The following WDR35 variants were observed in gnomAD, a reference collection of about 807,000 sequenced individuals.
WDR35 encodes the protein WD repeat-containing protein 35.
WDR35 carries 118 observed loss-of-function variants against 158.3 expected under a neutral mutation model. The observed-to-expected ratio is 0.75, with a 90% CI of 0.64 to 0.87. WDR35 has a LOEUF of 0.87. Among genes scored for constraint, WDR35 ranks in the 40% least tolerant of loss-of-function variants. WDR35 has a pLI of 0.00. For synonymous variants in WDR35, 448 were observed against 476.1 expected (o/e 0.94, Z 0.77); for missense variants, 1,263 against 1,405.8 (o/e 0.90, Z 1.62).
intron 25 of WDR35, among the ~76,000 whole-genome samples, chr2:19,922,651 G>T (rs542311536): frequency 6.6e-6 from 1 of 152,050 alleles, no homozygotes; most frequent in Non-Finnish European, 1.5e-5. Context: ...AACCACCAAC[G>T]CATGTGTATA....
At chr2:19,927,937 T>C (rs764280227) in intron 25 of WDR35, among the ~76,000 whole-genome samples, 23 of 152,236 alleles carry the variant, frequency 1.5e-4, no homozygotes, top group Non-Finnish European at 2.8e-4. Context: ...CTGCAAGAAG[T>C]AGCTCACCAT....
chr2:19,972,393 G>A (rs1478167761), intron 8 of WDR35, among the ~76,000 whole-genome samples: 1 of 152,030 alleles, frequency 6.6e-6, no homozygotes, highest in African/African-American at 2.4e-5. Flanking sequence ...TTTCTACCTG[G>A]GGAAGGCTGA....
At chr2:19,958,499 A>G (rs1162798246) in intron 11 of WDR35, among the ~76,000 whole-genome samples, 1 of 152,252 alleles carries the variant, frequency 6.6e-6, no homozygotes. Context: ...AGGAAATGTC[A>G]TAATTAATTT....
intron 25 of WDR35, among the ~76,000 whole-genome samples, chr2:19,922,151 G>A (rs1347519317): frequency 6.6e-6 from 1 of 152,230 alleles, no homozygotes; most frequent in African/African-American, 2.4e-5. Context: ...CATTGTGGAA[G>A]ACAGTGTGGC....
At chr2:19,950,447 A>C (rs1671200509) in intron 13 of WDR35, among the ~76,000 whole-genome samples, 2 of 152,168 alleles carry the variant, frequency 1.3e-5, no homozygotes, top group South Asian at 4.1e-4. Context: ...CTACGAAAGG[A>C]GGAAGAGAGA....
intron 25 of WDR35, among the ~76,000 whole-genome samples, chr2:19,916,287 G>C (rs1669989436): frequency 6.6e-6 from 1 of 152,200 alleles, no homozygotes; most frequent in African/African-American, 2.4e-5. Flanking sequence ...CGGGGCCCTG[G>C]GTTTCCAGCA....
intron 11 of WDR35, among the ~76,000 whole-genome samples, chr2:19,954,489 C>A (rs773317150): frequency 2.0e-5 from 3 of 151,946 alleles, no homozygotes; most frequent in Middle Eastern, 6.8e-3. Flanking sequence ...GACAAATAGC[C>A]CAATTTAAAA....
intron 2 of WDR35, among the ~76,000 whole-genome samples, chr2:19,984,714 C>T (rs944613087): frequency 3.3e-5 from 5 of 152,194 alleles, no homozygotes; most frequent in Non-Finnish European, 4.4e-5. Context: ...ACACCAATAA[C>T]CAAGCACACT....
chr2:19,929,749 T>C (rs1469388229), intron 25 of WDR35, among the ~76,000 whole-genome samples: 2 of 152,178 alleles, frequency 1.3e-5, no homozygotes, highest in African/African-American at 2.4e-5. Context: ...CTCCTGCATG[T>C]AGAAACATCT....
chr2:19,917,419 C>T (rs1482500047), intron 25 of WDR35, among the ~76,000 whole-genome samples: 1 of 152,182 alleles, frequency 6.6e-6, no homozygotes, highest in Non-Finnish European at 1.5e-5. Context: ...AAGCAGGCTT[C>T]AGAAGGTGGG....
Position 19,937,881 on chromosome 2 carries a change from C to G in WDR35, c.2129G>C (p.Arg710Pro). 2 of 1,614,134 alleles carry G rather than the reference C, an allele frequency of 1.2e-6. No homozygotes were observed. The highest frequency in any genetic ancestry group is 1.7e-6 in the Non-Finnish European group (2 of 1,180,008). ...CTTAATGCCTTGGTAATCTTTGCAG[C>G]GCACAAATGCTTGCTCTGCAGTGTA... ...DLYTAEQAFV[R>P]CKDYQGIKFV... The change falls in exon 19 of 27, where the codon CGC (arginine) becomes CCC (proline). Residue 710 changes from arginine (R) to proline (P), a missense_variant. Coordinates refer to ENST00000281405, the MANE Select transcript of WDR35 (RefSeq NM_020779.4).
Position 19,936,224 on chromosome 2 carries a change from T to C in WDR35, c.2409A>G (p.Gln803=), listed in dbSNP as rs140630290. Residue 803 remains glutamine, a synonymous_variant, in exon 20 of 27, where the codon CAA becomes CAG. Coordinates refer to ENST00000281405, the MANE Select transcript of WDR35 (RefSeq NM_020779.4). ...NAIGDYFADR[Q]KWLNAVQYYV... ...GCTCCAGGTAAGTTACATACCACTT[T>C]TGTCGATCAGCAAAGTAGTCTCCAA... The C allele has an allele frequency of 1.1e-5, 17 of 1,613,932 alleles. No individual in the cohort carries two copies. Among genetic ancestry groups the C allele is most frequent in the Non-Finnish European group, 1.1e-5 (13 of 1,179,884 alleles).
intron 25 of WDR35, among the ~76,000 whole-genome samples, chr2:19,917,665 T>TGAAATAAAGCAAG (rs1373318152): frequency 6.6e-6 from 1 of 151,882 alleles, no homozygotes; most frequent in Admixed American, 6.6e-5. Flanking sequence ...ATCAACTCAA[T>TGAAATAAAGCAAG]GAAATAAAGC....
chr2:19,928,013 C>A (rs1203856488), intron 25 of WDR35, among the ~76,000 whole-genome samples: 1 of 152,046 alleles, frequency 6.6e-6, no homozygotes, highest in Non-Finnish European at 1.5e-5. Context: ...GGAACAGGCA[C>A]CCCTCAAAAT....
chr2:19,979,772 T>TACACACACACACACACACACACAC (rs67421990), intron 4 of WDR35, among the ~76,000 whole-genome samples: 5 of 146,298 alleles, frequency 3.4e-5, no homozygotes, highest in South Asian at 2.2e-4. Flanking sequence ...TTCTATCCCC[T>TACACACACACACACACACACACAC]ACACACACAC....
intron 25 of WDR35, among the ~76,000 whole-genome samples, chr2:19,917,372 C>T (rs1307177394): frequency 6.6e-6 from 1 of 152,134 alleles, no homozygotes; most frequent in African/African-American, 2.4e-5. Flanking sequence ...AGCAAGGGAA[C>T]AAAACTGGAT....
In WDR35 at chr2:19,934,285, C is replaced by T. The variant is rs962572332; in HGVS notation, c.2548-774G>A. On this transcript the variant is annotated intron_variant, in intron 21 of 26. Coordinates refer to ENST00000281405, the MANE Select transcript of WDR35 (RefSeq NM_020779.4). This position sits in a 1 kb window ranked among gnomAD's most constrained non-coding sequence, Gnocchi z 4.6. ...TACATTCTATCTGTAAAAAAAATTACAAAACATGAAAAAGTGAAATTACTC... is the reference window on the plus strand; with the variant it reads ...TACATTCTATCTGTAAAAAAAATTATAAAACATGAAAAAGTGAAATTACTC... 6.6e-6 allele frequency among the ~76,000 whole-genome samples: 1 copy of T among 152,018 alleles called. No individual in the cohort carries two copies. The highest frequency in any genetic ancestry group is 2.4e-5 in the African/African-American group (1 of 41,384).
chr2:19,987,481 TA>T (rs1249357250), intron 2 of WDR35, among the ~76,000 whole-genome samples: 1 of 152,134 alleles, frequency 6.6e-6, no homozygotes, highest in Non-Finnish European at 1.5e-5. Context: ...AGTTTGTTTT[TA>T]AAAAAGCCTT....
At chr2:19,946,677 T>A in intron 14 of WDR35, 107 bp from the exon 15 acceptor site, 2 of 975,350 alleles carry the variant, frequency 2.1e-6, no homozygotes, top group South Asian at 2.7e-5. Context: ...CAAAGTGATG[T>A]CACAGCAAAT....
Sources: allele counts gnomAD v4.1 joint callset (sites outside exome capture counted in the v4.1 genomes callset), GRCh38; gene constraint gnomAD v4.1.1; non-coding constraint Gnocchi (gnomAD v3.1); transcripts MANE v1.5; gene names NCBI Gene and HGNC (gene_info 2026-07-23, HGNC 2026-07-21).